Variants in SCARA5 observed in about 807,000 individuals in gnomAD.
SCARA5 encodes scavenger receptor class A member 5, also known as scavenger receptor class A, member 5 (putative).
In SCARA5, 45 loss-of-function variants were observed where a neutral mutation model predicts 46.3. That is an observed-to-expected ratio of 0.97 (90% CI 0.76 to 1.24). The LOEUF (loss-of-function observed/expected upper bound fraction) is 1.24, where lower values mean the gene tolerates loss of function less well. SCARA5 is among the 50% of genes most tolerant of loss of function. The pLI is 0.00. For synonymous variants in SCARA5, 333 were observed against 306.5 expected, an observed-to-expected ratio of 1.09 and a Z score of -0.90; for missense variants, 680 against 689.0, an observed-to-expected ratio of 0.99 and a Z score of 0.15.
intron 2 of SCARA5, among the ~76,000 whole-genome samples, chr8:27,969,043 G>T (rs17058386): frequency 0.046 from 6,988 of 152,226 alleles, 301 homozygotes; most frequent in East Asian, 0.2. Flanking sequence ...TCAAATAGAG[G>T]TTTCCCACAA....
intron 4 of SCARA5, among the ~76,000 whole-genome samples, chr8:27,913,279 A>G (rs1249554333): frequency 6.6e-6 from 1 of 152,192 alleles, no homozygotes; most frequent in Non-Finnish European, 1.5e-5. Context: ...CCTTCATCAC[A>G]TCCTCAGGTG....
intron 3 of SCARA5, among the ~76,000 whole-genome samples, chr8:27,925,864 G>A (rs888102015): frequency 9.9e-5 from 15 of 152,194 alleles, no homozygotes; most frequent in African/African-American, 3.6e-4. Flanking sequence ...ATCATCACTG[G>A]CCATCAGAGA....
rs539728866 is a variant in SCARA5 at position 27,918,131 on chromosome 8, A to G, written c.916+3440T>C. On this transcript the variant is annotated intron_variant, in intron 4 of 8. Coordinates refer to ENST00000354914, the MANE Select transcript of SCARA5 (RefSeq NM_173833.6). ...CCAGGCATTGGGCTTAAAGGTCCTG[A>G]TCATTGAACTGTACACCTGAAAAGG... 2.6e-5 allele frequency among the ~76,000 whole-genome samples: 4 copies of G among 152,302 alleles called. No individual in the cohort carries two copies. The East Asian group carries it at 7.7e-4, about 29-fold the overall frequency.
intron 8 of SCARA5, among the ~76,000 whole-genome samples, chr8:27,874,234 T>A (rs1214840345): frequency 6.6e-6 from 1 of 152,248 alleles, no homozygotes; most frequent in East Asian, 1.9e-4. Flanking sequence ...CAGGCTTCCA[T>A]CTGTGCCTCA....
In SCARA5 at chr8:27,870,214, G is replaced by GTTTTTTTTTTT. The variant is rs11321344; in HGVS notation, c.*1709_*1719dup. 7.7e-6 allele frequency: 1 copy of GTTTTTTTTTTT among 129,934 alleles called. No homozygotes were observed. Among genetic ancestry groups the GTTTTTTTTTTT allele is most frequent in the Non-Finnish European group, 1.6e-5 (1 of 61,234 alleles). 8.0% of individuals were successfully genotyped at this position (129,934 alleles called of 1,614,324 possible). A position where few individuals can be genotyped will look rare whatever the true frequency, so the allele number is the denominator to read the frequency against. The stretch of plus-strand genomic sequence containing the variant: ...TTCAATGTGGCATCTTTCACCTTTA[G>GTTTTTTTTTTT]TTTTTTTTTTTTTTTTTTTTTAACT... On this transcript the variant is annotated 3_prime_UTR_variant, in exon 9 of 9. Coordinates refer to ENST00000354914, the MANE Select transcript of SCARA5 (RefSeq NM_173833.6).
At position 27,893,185 on chromosome 8, in the gene SCARA5, C is replaced by A. The variant is rs1250892514; in HGVS notation, c.1153+11593G>T. Among the ~76,000 whole-genome samples the A allele has an allele frequency of 2.0e-5, 3 of 152,202 alleles. No individual in the cohort carries two copies. In the East Asian group the frequency reaches 5.8e-4, roughly 29 times the overall value. On this transcript the variant is annotated intron_variant, in intron 7 of 8. Transcript: ENST00000354914. ...CTGAATTGAATGAGTCTCCTCCTAA[C>A]TTCTGTTCTCCCCAGGGCTTGGTTC...
At chr8:27,938,556 G>A (rs138977073) in intron 3 of SCARA5, among the ~76,000 whole-genome samples, 165 of 152,214 alleles carry the variant, frequency 1.1e-3, no homozygotes, top group East Asian at 1.2e-3. Flanking sequence ...CCCTGTAGTC[G>A]ATGTTCACTG....
chr8:27,943,591 A>G (rs1173482701), intron 3 of SCARA5, among the ~76,000 whole-genome samples: 1 of 152,206 alleles, frequency 6.6e-6, no homozygotes, highest in Non-Finnish European at 1.5e-5. Flanking sequence ...TTGAGGTGTA[A>G]ATATCCCACT....
At chr8:27,937,269 T>C (rs961002481) in intron 3 of SCARA5, among the ~76,000 whole-genome samples, 4 of 152,116 alleles carry the variant, frequency 2.6e-5, no homozygotes, top group East Asian at 1.9e-4. Flanking sequence ...AACCTCCTGC[T>C]TCCTGCCCCT....
At chr8:27,909,817 C>G in intron 4 of SCARA5, 74 bp from the exon 5 acceptor site, 2 of 1,046,402 alleles carry the variant, frequency 1.9e-6, no homozygotes, top group East Asian at 2.8e-5. Context: ...GTAGAGGAAA[C>G]AAAACGCCCT....
chr8:27,883,145 A>G (rs1806837680), intron 7 of SCARA5, among the ~76,000 whole-genome samples: 1 of 152,240 alleles, frequency 6.6e-6, no homozygotes, highest in African/African-American at 2.4e-5. Context: ...GCCTGGCTGG[A>G]GGAAATGAAA....
intron 7 of SCARA5, among the ~76,000 whole-genome samples, chr8:27,880,857 GAA>G (rs71222524): frequency 3.8e-4 from 36 of 94,788 alleles, no homozygotes; most frequent in East Asian, 9.0e-4. Context: ...CCTGTCTAAG[GAA>G]AAAAAAAAAA....
intron 4 of SCARA5, among the ~76,000 whole-genome samples, chr8:27,909,986 G>C (rs375832088): frequency 6.6e-5 from 10 of 152,178 alleles, no homozygotes; most frequent in Middle Eastern, 3.4e-3. Context: ...AGGGGTGGGA[G>C]AGGGACACAC....
chr8:27,951,469 G>A (rs1301888174), intron 3 of SCARA5, among the ~76,000 whole-genome samples: 1 of 152,202 alleles, frequency 6.6e-6, no homozygotes, highest in East Asian at 1.9e-4. Context: ...CGAATGACTG[G>A]TGACCATTGA....
At chr8:27,899,444 A>T (rs756719371) in intron 7 of SCARA5, among the ~76,000 whole-genome samples, 2 of 152,190 alleles carry the variant, frequency 1.3e-5, no homozygotes, top group Non-Finnish European at 2.9e-5. Context: ...GAAAAACAGG[A>T]TTTTCTCAAA....
intron 3 of SCARA5, among the ~76,000 whole-genome samples, chr8:27,930,771 T>C (rs1169734855): frequency 6.6e-6 from 1 of 152,210 alleles, no homozygotes; most frequent in African/African-American, 2.4e-5. Context: ...AATGGACTAA[T>C]ACATAGCTCA....
At chr8:27,945,492 T>C (rs1179547409) in intron 3 of SCARA5, among the ~76,000 whole-genome samples, 1 of 152,224 alleles carries the variant, frequency 6.6e-6, no homozygotes, top group Non-Finnish European at 1.5e-5. Flanking sequence ...TTCCTTTAAA[T>C]TGAGTGCTGA....
chr8:27,938,614 C>T (rs962885267), intron 3 of SCARA5, among the ~76,000 whole-genome samples: 1 of 152,210 alleles, frequency 6.6e-6, no homozygotes, highest in African/African-American at 2.4e-5. Flanking sequence ...TCCTCATCGA[C>T]AGGCAATGCA....
chr8:27,919,279 G>A (rs1331554159), intron 4 of SCARA5, among the ~76,000 whole-genome samples: 2 of 141,028 alleles, frequency 1.4e-5, no homozygotes, highest in African/African-American at 6.4e-5. Context: ...GAGAAGAGGT[G>A]AAGGAGGAGG....
Sources: gnomAD v4.1 joint callset for allele counts (sites outside exome capture counted in the v4.1 genomes callset) on GRCh38, gnomAD v4.1.1 for gene constraint, MANE v1.5 for transcripts, NCBI Gene and HGNC (gene_info 2026-07-23, HGNC 2026-07-21) for gene names.